Variants in PCDH11X observed in about 807,000 individuals in gnomAD.
PCDH11X encodes the protein protocadherin-11 X-linked.
PCDH11X carries 18 observed loss-of-function variants against 53.3 expected under a neutral mutation model. The ratio of observed to expected loss-of-function variants is 0.34; its 90% confidence interval spans 0.23 to 0.50. The LOEUF (loss-of-function observed/expected upper bound fraction) is 0.50. Among genes scored for constraint, PCDH11X ranks in the 20% least tolerant of loss-of-function variants. The probability of loss-of-function intolerance (pLI) is 0.98; values close to 1 mark genes in which losing one functional copy is unlikely to be tolerated. For synonymous variants in PCDH11X, 279 were observed against 393.3 expected (o/e 0.71, Z 3.44); for missense variants, 570 against 1,032.4 (o/e 0.55, Z 6.14).
At chrX:92,007,890 C>T (rs2062627677) in intron 6 of PCDH11X, among the ~76,000 whole-genome samples, 2 of 110,877 alleles carry the variant, frequency 1.8e-5, no homozygotes, top group African/African-American at 6.6e-5. Context: ...GGGTCCTTTC[C>T]TTCAAGGCAG....
intron 6 of PCDH11X, among the ~76,000 whole-genome samples, chrX:92,110,729 A>G: frequency 9.0e-6 from 1 of 110,940 alleles, no homozygotes; most frequent in East Asian, 2.9e-4. Context: ...TGTGGGCAAA[A>G]TATGGGGGAG....
chrX:92,585,854 G>A (rs984967814), intron 10 of PCDH11X, among the ~76,000 whole-genome samples: 17 of 106,662 alleles, frequency 1.6e-4, no homozygotes, highest in Non-Finnish European at 2.3e-4. Flanking sequence ...ATAGCTTTGG[G>A]TGTTTAAAAA....
intron 6 of PCDH11X, among the ~76,000 whole-genome samples, chrX:91,971,291 A>G (rs765626932): frequency 9.1e-6 from 1 of 110,027 alleles, no homozygotes. Context: ...GTAAAACAAA[A>G]TAATTCAATT....
At chrX:91,883,596 G>A (rs1940032272) in intron 6 of PCDH11X, 1 of 622,503 alleles carries the variant, frequency 1.6e-6, no homozygotes, top group South Asian at 8.5e-5. Flanking sequence ...ACGAGGTCAG[G>A]AGATTGAGAC....
chrX:91,857,902 G>T (rs1409787937), intron 5 of PCDH11X, among the ~76,000 whole-genome samples: 1 of 111,358 alleles, frequency 9.0e-6, no homozygotes, highest in Non-Finnish European at 1.9e-5. Context: ...AGATGACAGT[G>T]GCCCTCTTCT....
At chrX:92,477,417 G>T (rs1231087250) in intron 10 of PCDH11X, among the ~76,000 whole-genome samples, 1 of 103,138 alleles carries the variant, frequency 9.7e-6, no homozygotes, top group African/African-American at 3.6e-5. Flanking sequence ...CCAAGCTATT[G>T]CTGATGTTTC....
At chrX:92,429,903 G>A (rs760422228) in intron 9 of PCDH11X, among the ~76,000 whole-genome samples, 2 of 105,612 alleles carry the variant, frequency 1.9e-5, no homozygotes, top group South Asian at 4.3e-4. Context: ...AGAAATAAGC[G>A]CTCTGAGTCT....
At chrX:91,972,592 T>G (rs1473877353) in intron 6 of PCDH11X, among the ~76,000 whole-genome samples, 1 of 107,934 alleles carries the variant, frequency 9.3e-6, no homozygotes, top group Non-Finnish European at 1.9e-5. Context: ...GTCTAACGTT[T>G]AAGTCTTTAA....
At chrX:92,407,271 G>A (rs1271710804) in intron 9 of PCDH11X, among the ~76,000 whole-genome samples, 1 of 111,384 alleles carries the variant, frequency 9.0e-6, no homozygotes, top group Admixed American at 9.6e-5. Flanking sequence ...TACAATACTT[G>A]ACCATAACAA....
chrX:92,087,706 A>G (rs970112210), intron 6 of PCDH11X, among the ~76,000 whole-genome samples: 14 of 110,070 alleles, frequency 1.3e-4, no homozygotes, highest in African/African-American at 4.6e-4. Context: ...AATCATGATA[A>G]TCGTTTTCAA....
chrX:92,008,809 T>C (rs1358808482), intron 6 of PCDH11X, among the ~76,000 whole-genome samples: 1 of 110,827 alleles, frequency 9.0e-6, no homozygotes, highest in Admixed American at 9.6e-5. Context: ...GTTTTCATTA[T>C]TACTTATGAG....
intron 9 of PCDH11X, among the ~76,000 whole-genome samples, chrX:92,426,410 A>C (rs1313455150): frequency 9.1e-6 from 1 of 109,831 alleles, no homozygotes; most frequent in African/African-American, 3.3e-5. Flanking sequence ...GAGTTGACTA[A>C]GAAATGTATT....
chrX:92,554,016 C>T (rs78199405), intron 10 of PCDH11X, among the ~76,000 whole-genome samples: 2 of 108,035 alleles, frequency 1.9e-5, no homozygotes, highest in African/African-American at 7.0e-5. Context: ...AATACTAGAT[C>T]TTCACTGTTA....
chrX:91,974,903 C>A (rs1233355205), intron 6 of PCDH11X, among the ~76,000 whole-genome samples: 1 of 110,267 alleles, frequency 9.1e-6, no homozygotes, highest in Non-Finnish European at 1.9e-5. Flanking sequence ...CAGGCTCGTG[C>A]CACCATGCCC....
chrX:92,285,274 A>G (rs1468257139), intron 8 of PCDH11X, among the ~76,000 whole-genome samples: 8 of 73,229 alleles, frequency 1.1e-4, no homozygotes, highest in African/African-American at 5.5e-5. Context: ...TTTTTTTGAG[A>G]CGGAGTTTCA....
chrX:92,008,048 C>A (rs1184183119), intron 6 of PCDH11X, among the ~76,000 whole-genome samples: 1 of 110,790 alleles, frequency 9.0e-6, no homozygotes, highest in African/African-American at 3.3e-5. Context: ...TCCCACCCTT[C>A]CTTCTCCTCT....
intron 5 of PCDH11X, among the ~76,000 whole-genome samples, chrX:91,844,961 C>T (rs1453027411): frequency 2.7e-5 from 3 of 110,949 alleles, no homozygotes; most frequent in African/African-American, 6.5e-5. Flanking sequence ...ACTGCCTCTA[C>T]GGTCTGGATG....
intron 7 of PCDH11X, among the ~76,000 whole-genome samples, chrX:92,244,587 G>C: frequency 9.0e-6 from 1 of 111,509 alleles, no homozygotes; most frequent in Non-Finnish European, 1.9e-5. Context: ...AATTTGTTAA[G>C]TGCTTACTAC....
At chrX:92,312,529 A>G (rs1158270765) in intron 8 of PCDH11X, among the ~76,000 whole-genome samples, 1 of 110,626 alleles carries the variant, frequency 9.0e-6, no homozygotes, top group Non-Finnish European at 1.9e-5. Context: ...TACTACTCAG[A>G]TTAATAATAT....
Sources: allele counts gnomAD v4.1 joint callset (sites outside exome capture counted in the v4.1 genomes callset), GRCh38; gene constraint gnomAD v4.1.1; transcripts MANE v1.5; gene names NCBI Gene and HGNC (gene_info 2026-07-23, HGNC 2026-07-21).